CLSTN2: variants seen among roughly 807,000 people sequenced by gnomAD.
The protein encoded by CLSTN2 is calsyntenin 2.
A neutral mutation model predicts 101.2 loss-of-function variants in CLSTN2; 48 were observed. The ratio of observed to expected loss-of-function variants is 0.47; its 90% CI spans 0.38 to 0.60. The LOEUF (loss-of-function observed/expected upper bound fraction) is 0.60, where lower values mean the gene tolerates loss of function less well. Among genes scored for constraint, CLSTN2 ranks in the 20% least tolerant of loss-of-function variants. CLSTN2 has a pLI of 0.00. For synonymous variants in CLSTN2, 481 were observed against 463.6 expected (o/e 1.04, Z -0.48); for missense variants, 1,160 against 1,238.2 (o/e 0.94, Z 0.95).
At chr3:140,016,793 GA>G (rs56040791) in intron 1 of CLSTN2, among the ~76,000 whole-genome samples, 16,513 of 88,574 alleles carry the variant, frequency 0.19, 752 homozygotes, top group Admixed American at 0.31. Context: ...GTGAGACTCT[GA>G]AAAAAAAAAA....
At chr3:139,999,812 A>G (rs116677586) in intron 1 of CLSTN2, among the ~76,000 whole-genome samples, 1,698 of 152,210 alleles carry the variant, frequency 0.011, 30 homozygotes, top group African/African-American at 0.037. Flanking sequence ...TGTATGGTCT[A>G]GGCATGGTGG....
intron 1 of CLSTN2, among the ~76,000 whole-genome samples, chr3:140,087,639 T>A (rs1278140953): frequency 6.6e-6 from 1 of 151,998 alleles, no homozygotes; most frequent in Non-Finnish European, 1.5e-5. Context: ...GCTTTGAGAG[T>A]CAAATGGGGA....
rs1935297980 is a variant in CLSTN2, at chr3:139,951,674, C to CA, written c.109+16197dup. On this transcript the variant is annotated intron_variant, in intron 1 of 16. Transcript: ENST00000458420. ...AGTGAACTGGACTAAGTCTTCTTAA[C>CA]AAAAAAGAAATGAAAAGCTATGAAT... is the stretch of plus-strand genomic sequence containing the variant. 2.6e-5 allele frequency among the ~76,000 whole-genome samples: 4 copies of CA among 152,044 alleles called. No homozygotes were observed. The South Asian group carries it at 8.3e-4, about 32-fold the overall frequency.
intron 1 of CLSTN2, among the ~76,000 whole-genome samples, chr3:140,067,086 A>G (rs1373814784): frequency 2.0e-5 from 3 of 152,154 alleles, no homozygotes; most frequent in African/African-American, 7.2e-5. Context: ...GTAACAAGGA[A>G]GAAGTCTTAT....
chr3:140,299,160 A>T (rs971223702), intron 2 of CLSTN2, among the ~76,000 whole-genome samples: 7 of 152,150 alleles, frequency 4.6e-5, no homozygotes, highest in Non-Finnish European at 7.4e-5. Flanking sequence ...CCAGGACACA[A>T]CTTTCAATTA....
At chr3:140,396,137 T>C (rs1376841856) in intron 2 of CLSTN2, among the ~76,000 whole-genome samples, 1 of 152,198 alleles carries the variant, frequency 6.6e-6, no homozygotes. Flanking sequence ...TCTTGCCCAG[T>C]GAATGCCATT....
chr3:140,260,195 A>G (rs2086639628), intron 2 of CLSTN2, among the ~76,000 whole-genome samples: 2 of 150,178 alleles, frequency 1.3e-5, no homozygotes, highest in Admixed American at 6.6e-5. Context: ...AAATTAAAAT[A>G]AATGTATTTT....
chr3:140,414,172 G>A (rs922015917), intron 4 of CLSTN2, among the ~76,000 whole-genome samples: 8 of 151,964 alleles, frequency 5.3e-5, no homozygotes, highest in Non-Finnish European at 1.0e-4. Context: ...AAAGACTGCT[G>A]TAACTAATAA....
intron 5 of CLSTN2, among the ~76,000 whole-genome samples, chr3:140,436,245 G>T (rs2108000952): frequency 6.6e-6 from 1 of 152,256 alleles, no homozygotes; most frequent in Admixed American, 6.5e-5. Context: ...TTAATTCATT[G>T]TGATTTGATT....
At chr3:140,291,052 C>G (rs1443417836) in intron 2 of CLSTN2, among the ~76,000 whole-genome samples, 2 of 152,174 alleles carry the variant, frequency 1.3e-5, no homozygotes, top group Non-Finnish European at 2.9e-5. Flanking sequence ...AAAATCCCTA[C>G]CATCCTTCTC....
chr3:139,985,700 C>T (rs74952189), intron 1 of CLSTN2, among the ~76,000 whole-genome samples: 27 of 152,234 alleles, frequency 1.8e-4, no homozygotes, highest in Admixed American at 5.2e-4. Flanking sequence ...GCTGGGGAAA[C>T]GAAAGCAATT....
intron 2 of CLSTN2, among the ~76,000 whole-genome samples, chr3:140,196,542 A>G (rs2107838999): frequency 6.6e-6 from 1 of 152,350 alleles, no homozygotes; most frequent in African/African-American, 2.4e-5. Context: ...TCCAGCACAC[A>G]TTCCTTTGAC....
intron 5 of CLSTN2, among the ~76,000 whole-genome samples, chr3:140,422,884 T>C (rs184790460): frequency 5.3e-4 from 80 of 152,252 alleles, no homozygotes; most frequent in African/African-American, 1.9e-3. Flanking sequence ...AATGAATGAA[T>C]AAATGAATGA....
chr3:140,373,643 C>G (rs561985180), intron 2 of CLSTN2, among the ~76,000 whole-genome samples: 5 of 152,302 alleles, frequency 3.3e-5, no homozygotes, highest in African/African-American at 1.2e-4. Flanking sequence ...CACTGACAAT[C>G]AGTACTATTA....
chr3:140,187,515 A>G (rs2010501181), intron 2 of CLSTN2, among the ~76,000 whole-genome samples: 1 of 152,118 alleles, frequency 6.6e-6, no homozygotes. Flanking sequence ...TGTTCTTTCT[A>G]TAATCTCATA....
At position 140,153,780 on chromosome 3, in the gene CLSTN2, C is replaced by T. The variant is rs2009906550; in HGVS notation, c.110-22171C>T. Among the ~76,000 whole-genome samples, 4 of 152,222 alleles carry T rather than the reference C, an allele frequency of 2.6e-5. No individual in the cohort carries two copies. The South Asian group carries it at 8.3e-4, about 32-fold the overall frequency. ...GCCTTGGGGTAATGGGAAGAGGAAA[C>T]AGAGGGCTGTGAAGGCAGCCATGGG... On this transcript the variant is annotated intron_variant, in intron 1 of 16. Transcript: ENST00000458420.
intron 1 of CLSTN2, among the ~76,000 whole-genome samples, chr3:139,993,469 T>C (rs1389505526): frequency 2.6e-5 from 4 of 152,154 alleles, no homozygotes; most frequent in South Asian, 2.1e-4. Flanking sequence ...GGGTGAACAA[T>C]GGCTAGTGTC....
At chr3:140,205,447 C>A (rs2010768357) in intron 2 of CLSTN2, among the ~76,000 whole-genome samples, 1 of 152,118 alleles carries the variant, frequency 6.6e-6, no homozygotes, top group Non-Finnish European at 1.5e-5. Context: ...TTAGTCACAC[C>A]TTGAAGTAGG....
chr3:140,069,655 G>A (rs2008358517), intron 1 of CLSTN2, among the ~76,000 whole-genome samples: 1 of 152,160 alleles, frequency 6.6e-6, no homozygotes, highest in Admixed American at 6.5e-5. Context: ...AGAAAGCTGA[G>A]GTCAGAGAAG....
Sources: allele counts gnomAD v4.1 joint callset (sites outside exome capture counted in the v4.1 genomes callset), GRCh38; gene constraint gnomAD v4.1.1; transcripts MANE v1.5; gene names NCBI Gene and HGNC (gene_info 2026-07-23, HGNC 2026-07-21).